Variants in PRKG1 observed in about 807,000 individuals in gnomAD.
The protein encoded by PRKG1 is cGMP-dependent protein kinase 1.
A neutral mutation model predicts 88.1 loss-of-function variants in PRKG1; 35 were observed. The ratio of observed to expected loss-of-function variants is 0.40; its 90% CI spans 0.30 to 0.53. The LOEUF is 0.53. Among genes scored for constraint, PRKG1 ranks in the 20% least tolerant of loss-of-function variants. PRKG1 has a pLI of 0.59. For synonymous variants in PRKG1, 303 were observed against 292.5 expected (o/e 1.04, Z -0.37); for missense variants, 540 against 839.8 (o/e 0.64, Z 4.41).
At chr10:52,130,697 C>T (rs1033597123) in intron 7 of PRKG1, among the ~76,000 whole-genome samples, 39 of 152,186 alleles carry the variant, frequency 2.6e-4, no homozygotes, top group African/African-American at 8.9e-4. Flanking sequence ...AAGTCATTCA[C>T]ATAATTTATG....
chr10:51,055,617 T>C (rs1483557282), intron 1 of PRKG1, among the ~76,000 whole-genome samples: 3 of 151,420 alleles, frequency 2.0e-5, no homozygotes, highest in Non-Finnish European at 4.4e-5. Context: ...TGGTCGCCTA[T>C]AGTCCCAGCT....
intron 2 of PRKG1, among the ~76,000 whole-genome samples, chr10:51,382,040 C>T (rs935238936): frequency 5.9e-5 from 9 of 151,994 alleles, no homozygotes; most frequent in Non-Finnish European, 8.8e-5. Flanking sequence ...TTTTCTCCCC[C>T]GAATGTTCTC....
At chr10:51,173,444 GGT>G (rs66597857) in intron 2 of PRKG1, among the ~76,000 whole-genome samples, 1,664 of 130,356 alleles carry the variant, frequency 0.013, 14 homozygotes, top group Non-Finnish European at 0.019. Context: ...GTGTGTGTGT[GGT>G]GTGTGTAAAT....
intron 2 of PRKG1, among the ~76,000 whole-genome samples, chr10:51,456,628 A>G (rs1466719774): frequency 6.6e-6 from 1 of 152,210 alleles, no homozygotes; most frequent in Non-Finnish European, 1.5e-5. Context: ...TCTGCACAGC[A>G]AAAGAAATAA....
chr10:51,141,985 G>A (rs1344436742), intron 1 of PRKG1, among the ~76,000 whole-genome samples: 2 of 151,912 alleles, frequency 1.3e-5, no homozygotes, highest in African/African-American at 4.8e-5. Context: ...ATCTTTTAAT[G>A]GGAGCTTCCT....
rs1839085722 is a variant in PRKG1, at chr10:51,798,767, A to AG, written c.593-5818_593-5817insG. On this transcript the variant is annotated intron_variant, in intron 3 of 17. Transcript: ENST00000373980. ...ATAATGTAGAAAGTAAAAGAGAATT[A>AG]CAAGCTAATTTTGCTCATTGCAAAT... Among the ~76,000 whole-genome samples, 6 of 152,256 alleles carry AG rather than the reference A, an allele frequency of 3.9e-5. No individual in the cohort carries two copies. In the South Asian group the frequency reaches 1.2e-3, roughly 32 times the overall value.
chr10:52,191,200 C>G (rs1839353835), intron 9 of PRKG1, among the ~76,000 whole-genome samples: 1 of 152,122 alleles, frequency 6.6e-6, no homozygotes, highest in Non-Finnish European at 1.5e-5. Context: ...GTCGCCAAGG[C>G]TGGAGTGCAG....
intron 4 of PRKG1, among the ~76,000 whole-genome samples, chr10:51,888,246 G>T (rs1841622685): frequency 6.6e-6 from 1 of 152,140 alleles, no homozygotes; most frequent in East Asian, 1.9e-4. Flanking sequence ...TGAAGTCAGG[G>T]GAATGTTGGC....
chr10:52,076,458 G>A (rs1419996858), intron 7 of PRKG1, among the ~76,000 whole-genome samples: 1 of 152,176 alleles, frequency 6.6e-6, no homozygotes, highest in Non-Finnish European at 1.5e-5. Context: ...TCAGGAGGCT[G>A]AGGCAGGAGA....
At chr10:51,467,177 T>C (rs1839926775) in intron 2 of PRKG1, among the ~76,000 whole-genome samples, 1 of 152,042 alleles carries the variant, frequency 6.6e-6, no homozygotes, top group African/African-American at 2.4e-5. Flanking sequence ...CCTTGTAGTT[T>C]GTTTTTTCCT....
At chr10:51,593,703 A>T (rs1405766235) in intron 3 of PRKG1, among the ~76,000 whole-genome samples, 1 of 151,896 alleles carries the variant, frequency 6.6e-6, no homozygotes, top group Non-Finnish European at 1.5e-5. Flanking sequence ...GTTACTAGAA[A>T]AGTATGGCAC....
At chr10:51,670,846 C>A (rs1348012146) in intron 3 of PRKG1, among the ~76,000 whole-genome samples, 1 of 151,812 alleles carries the variant, frequency 6.6e-6, no homozygotes, top group Non-Finnish European at 1.5e-5. Context: ...GTATTTTTAT[C>A]CTACTCCTGA....
At chr10:51,044,706 T>G (rs1360582940) in intron 1 of PRKG1, among the ~76,000 whole-genome samples, 1 of 152,040 alleles carries the variant, frequency 6.6e-6, no homozygotes. Context: ...GATGTCAAGC[T>G]GTCATAGCAC....
intron 7 of PRKG1, among the ~76,000 whole-genome samples, chr10:52,123,076 T>A (rs1005042824): frequency 6.6e-6 from 1 of 152,226 alleles, no homozygotes; most frequent in African/African-American, 2.4e-5. Context: ...CAATTTTATT[T>A]GGCTCAGTCT....
At chr10:52,204,467 C>T (rs948790597) in intron 9 of PRKG1, among the ~76,000 whole-genome samples, 30 of 152,182 alleles carry the variant, frequency 2.0e-4, no homozygotes, top group African/African-American at 7.2e-4. Context: ...AATGGAGGGA[C>T]TGGCTGAAGC....
chr10:52,280,731 A>C lies in PRKG1; in HGVS notation c.1404-58A>C, dbSNP rs563216323. ...ATAGTGAAATGAGAAAAAAAAAATA[A>C]AGCCATATTACAGAAATTAATTTTT... On this transcript the variant is annotated intron_variant, in intron 12 of 17. Coordinates refer to ENST00000373980, the MANE Select transcript of PRKG1 (RefSeq NM_006258.4). 6.6e-5 allele frequency: 102 copies of C among 1,550,498 alleles called. No individual in the cohort carries two copies. In the African/African-American group the frequency reaches 1.3e-3, roughly 20 times the overall value.
chr10:50,998,758 CAAAAT>C (rs67981853), intron 1 of PRKG1, among the ~76,000 whole-genome samples: 83,728 of 151,692 alleles, frequency 0.55, 23,190 homozygotes, highest in Admixed American at 0.61. Flanking sequence ...TCTCAAAAAA[CAAAAT>C]AACAACAACA....
chr10:51,384,425 G>A (rs777358252), intron 2 of PRKG1, among the ~76,000 whole-genome samples: 2 of 152,216 alleles, frequency 1.3e-5, no homozygotes, highest in East Asian at 1.9e-4. Flanking sequence ...TGGGAGATTC[G>A]GATTTAAGGA....
In PRKG1 at chr10:51,662,488, T is replaced by C. The variant is rs543173189; in HGVS notation, c.593-142097T>C. ...ATGTAGTCTGACAAAACATATGGTA[T>C]AAGACTTAGAATTGTGGTTCAAGAC... On this transcript the variant is annotated intron_variant, in intron 3 of 17. Coordinates refer to ENST00000373980, the MANE Select transcript of PRKG1 (RefSeq NM_006258.4). Among the ~76,000 whole-genome samples, 327 of 152,278 alleles carry C rather than the reference T, an allele frequency of 2.1e-3. 2 individuals are homozygous for C. The highest frequency in any genetic ancestry group is 3.6e-3 in the Non-Finnish European group (243 of 68,014).
Sources: gnomAD v4.1 joint callset for allele counts (sites outside exome capture counted in the v4.1 genomes callset) on GRCh38, gnomAD v4.1.1 for gene constraint, MANE v1.5 for transcripts, NCBI Gene and HGNC (gene_info 2026-07-23, HGNC 2026-07-21) for gene names.